The following SNORC variants were observed in gnomAD, a reference collection of about 807,000 sequenced individuals.
The protein encoded by SNORC is protein SNORC.
In SNORC, 11 loss-of-function variants were observed where a neutral mutation model predicts 9.7. The ratio of observed to expected loss-of-function variants is 1.14; its 90% CI spans 0.72 to 1.88. SNORC has a LOEUF of 1.88. Among genes scored for constraint, SNORC ranks in the 40% most tolerant of loss-of-function variants. The pLI is 0.00. For synonymous variants in SNORC, 108 were observed against 88.7 expected (o/e 1.22, Z -1.22); for missense variants, 197 against 173.1 (o/e 1.14, Z -0.77).
At chr2:232,876,963 G>A (rs1691279664), downstream of SNORC, 2 of 985,350 alleles carry the variant, frequency 2.0e-6, no homozygotes, top group African/African-American at 3.5e-5. The surrounding 1 kb of genome is among the most constrained non-coding windows in gnomAD (Gnocchi z 6.8). Context: ...AGACCCCGGG[G>A]CCCGCCGCTC....
In SNORC at chr2:232,876,246, G is replaced by T; in HGVS notation, c.257-1G>T. On this transcript the variant is annotated splice_acceptor_variant, in intron 2 of 2. Transcript: ENST00000331342. LOFTEE classifies it high-confidence loss of function. This position sits in a 1 kb window ranked among gnomAD's most constrained non-coding sequence, Gnocchi z 6.8. ...GTGACATGGTCCTCCGTCCTCCGCA[G>T]GGTCGCTGGGGCCCGGCGCTATCGC... 6.6e-7 allele frequency: 1 copy of T among 1,503,836 alleles called. No homozygotes were observed. The highest frequency in any genetic ancestry group is 1.5e-5 in the African/African-American group (1 of 68,828). The allele number at this position is 1,503,836 out of a possible 1,614,324, so 93.2% of individuals were successfully genotyped here.
chr2:232,872,063 C>T (rs1691046787), intron 1 of SNORC, among the ~76,000 whole-genome samples: 1 of 152,202 alleles, frequency 6.6e-6, no homozygotes, highest in Non-Finnish European at 1.5e-5. Flanking sequence ...CCCGCAGGGG[C>T]CAGACCAGGC....
Position 232,875,982 on chromosome 2 carries a change from CG to C in SNORC, c.118del (p.Ala40ProfsTer58), listed in dbSNP as rs1407377394. ...CCCGTGCCCACGCTGTGGAACGAGC[CG>C]GCCGAGCTGCCGTCGGGAGAAGGCC... On this transcript the variant is annotated frameshift_variant, in exon 2 of 3. Transcript: ENST00000331342. LOFTEE classifies it high-confidence loss of function. 3 of 1,555,022 alleles carry C rather than the reference CG, an allele frequency of 1.9e-6. No homozygotes were observed. The highest frequency in any genetic ancestry group is 1.4e-5 in the African/African-American group (1 of 73,520).
chr2:232,867,774 A>C (rs1256232171), upstream of SNORC, among the ~76,000 whole-genome samples: 1 of 152,212 alleles, frequency 6.6e-6, no homozygotes, highest in African/African-American at 2.4e-5. Flanking sequence ...TGGTAAACAC[A>C]GTGACATTTT....
intron 1 of SNORC, among the ~76,000 whole-genome samples, chr2:232,874,776 G>T (rs1012582073): frequency 5.3e-5 from 8 of 152,244 alleles, no homozygotes; most frequent in African/African-American, 1.9e-4. Flanking sequence ...GGCAGGGTCT[G>T]TTCACAGAAC....
upstream of SNORC, among the ~76,000 whole-genome samples, chr2:232,868,438 A>G (rs1018292055): frequency 1.1e-4 from 16 of 152,072 alleles, no homozygotes; most frequent in African/African-American, 3.9e-4. Context: ...GTTGGCGTCC[A>G]CCCGGCCTCT....
upstream of SNORC, among the ~76,000 whole-genome samples, chr2:232,868,199 C>T (rs1690912945): frequency 6.8e-6 from 1 of 147,946 alleles, no homozygotes; most frequent in African/African-American, 2.5e-5. Flanking sequence ...CAAGCTCAAG[C>T]AATTCTTGTG....
At chr2:232,871,803 C>T (rs115483314) in intron 1 of SNORC, among the ~76,000 whole-genome samples, 2,000 of 152,266 alleles carry the variant, frequency 0.013, 32 homozygotes, top group African/African-American at 0.045. Flanking sequence ...CCGTGTGGGC[C>T]GAAGGGGAGG....
chr2:232,875,563 T>C (rs770413038), intron 1 of SNORC: 8 of 401,252 alleles, frequency 2.0e-5, no homozygotes, highest in African/African-American at 1.1e-4. Context: ...CTGGTGAGGA[T>C]ACAGGGCGGG....
intron 1 of SNORC, among the ~76,000 whole-genome samples, chr2:232,871,152 C>T (rs545012050): frequency 1.9e-4 from 29 of 152,284 alleles, no homozygotes; most frequent in African/African-American, 6.7e-4. Flanking sequence ...GTCACAGTAG[C>T]GGGGTTCAGG....
chr2:232,877,504 G>T, downstream of SNORC: 1 of 256,036 alleles, frequency 3.9e-6, no homozygotes, highest in Non-Finnish European at 6.1e-6. Context: ...TAATGTATCT[G>T]AAGATTCCTG....
chr2:232,867,412 A>G (rs1690899926), upstream of SNORC, among the ~76,000 whole-genome samples: 1 of 152,228 alleles, frequency 6.6e-6, no homozygotes, highest in South Asian at 2.1e-4. Flanking sequence ...ATACTTGCTT[A>G]AAGACACTCC....
intron 1 of SNORC, among the ~76,000 whole-genome samples, chr2:232,873,889 C>T (rs948122011): frequency 2.6e-5 from 4 of 152,240 alleles, no homozygotes; most frequent in Admixed American, 2.0e-4. Flanking sequence ...TGCTACAGTG[C>T]AGCCTTGGGC....
chr2:232,868,150 C>CTTTTTTTT (rs35855568), upstream of SNORC, among the ~76,000 whole-genome samples: 2 of 130,044 alleles, frequency 1.5e-5, no homozygotes, highest in Non-Finnish European at 1.6e-5. Context: ...GTCATTTCAT[C>CTTTTTTTT]TTTTTTTTTT....
chr2:232,870,424 G>A lies in SNORC; in HGVS notation c.73+10G>A. 6.4e-7 allele frequency: 1 copy of A among 1,564,148 alleles called. No individual in the cohort carries two copies. The highest frequency in any genetic ancestry group is 8.7e-7 in the Non-Finnish European group (1 of 1,154,148). On this transcript the variant is annotated intron_variant, in intron 1 of 2. Transcript: ENST00000331342. ...CCTGCGGTGCTCACAGGTAAGAGGT[G>A]AAGGCCCTTGTCTCAGCCACCACTA...
chr2:232,878,073 A>C (rs1247326782), downstream of SNORC: 1 of 152,306 alleles, frequency 6.6e-6, no homozygotes, highest in Non-Finnish European at 1.5e-5. Context: ...CGGTGGAACC[A>C]GTGTCACATG....
chr2:232,869,601 T>A (rs1375982998), upstream of SNORC: 2 of 152,520 alleles, frequency 1.3e-5, no homozygotes, highest in Non-Finnish European at 2.9e-5. Flanking sequence ...GCGGGGCTGT[T>A]GAGAAGCAGT....
At chr2:232,876,801 C>T (rs988923921), downstream of SNORC, 14 of 985,378 alleles carry the variant, frequency 1.4e-5, no homozygotes, top group Non-Finnish European at 1.7e-5. This position sits in a 1 kb window ranked among gnomAD's most constrained non-coding sequence, Gnocchi z 6.8. Context: ...AGGGCCACGC[C>T]ACGGGCGGCC....
At position 232,876,247 on chromosome 2, in the gene SNORC, G is replaced by A; in HGVS notation, c.257G>A (p.Gly86Glu). 6.6e-7 allele frequency: 1 copy of A among 1,504,178 alleles called. No homozygotes were observed. The highest frequency in any genetic ancestry group is 1.2e-5 in the South Asian group (1 of 80,634). The allele number at this position is 1,504,178 out of a possible 1,614,324, so 93.2% of individuals were successfully genotyped here. ...TGACATGGTCCTCCGTCCTCCGCAG[G>A]GTCGCTGGGGCCCGGCGCTATCGCG... The change falls in exon 3 of 3, where the codon GGG (glycine) becomes GAG (glutamate). Residue 86 changes from glycine (G) to glutamate (E), a missense_variant and splice_region_variant. By Grantham distance (98) the Gly-to-Glu change is moderately conservative (BLOSUM62 -2). Transcript: ENST00000331342. This position sits in a 1 kb window ranked among gnomAD's most constrained non-coding sequence, Gnocchi z 6.8.
Sources: allele counts gnomAD v4.1 joint callset (sites outside exome capture counted in the v4.1 genomes callset), GRCh38; gene constraint gnomAD v4.1.1; non-coding constraint Gnocchi (gnomAD v3.1); transcripts MANE v1.5; gene names NCBI Gene and HGNC (gene_info 2026-07-23, HGNC 2026-07-21).